Variants in RSRC1 observed in about 807,000 individuals in gnomAD.
RSRC1 encodes the protein arginine and serine rich coiled-coil 1.
RSRC1 carries 39 observed loss-of-function variants against 49.1 expected under a neutral mutation model. That is an observed-to-expected ratio of 0.79 (90% CI 0.61 to 1.04). The LOEUF is 1.04. RSRC1 is among the 50% of genes least tolerant of loss of function. The pLI is 0.00. For missense variants in RSRC1, 388 were observed against 402.4 expected (o/e 0.96, Z 0.31); for synonymous variants, 143 against 130.8 (o/e 1.09, Z -0.63).
At chr3:158,419,820 CA>C (rs10574446) in intron 6 of RSRC1, among the ~76,000 whole-genome samples, 9,258 of 134,296 alleles carry the variant, frequency 0.069, 295 homozygotes, top group East Asian at 0.1. Context: ...TTAAATCTAG[CA>C]AAAAAAAAAA....
chr3:158,246,737 T>C (rs1723923349), intron 4 of RSRC1, among the ~76,000 whole-genome samples: 3 of 152,224 alleles, frequency 2.0e-5, no homozygotes, highest in African/African-American at 7.2e-5. Context: ...GTAGGGTTTC[T>C]GCTGAGAGGT....
chr3:158,304,452 G>A (rs1374800098), intron 5 of RSRC1, among the ~76,000 whole-genome samples: 1 of 152,066 alleles, frequency 6.6e-6, no homozygotes, highest in Non-Finnish European at 1.5e-5. Context: ...GCTAGAAAAT[G>A]CAAAAATAGA....
chr3:158,462,753 A>G lies in RSRC1; in HGVS notation c.652+1750A>G, dbSNP rs555036126. ...CATTTGCTTAAGAATTTCTTAAGTA[A>G]CTATAGATACTTGAACATTATAATT... On this transcript the variant is annotated intron_variant, in intron 7 of 9. Transcript: ENST00000611884. Among the ~76,000 whole-genome samples the G allele has an allele frequency of 4.0e-3, 406 of 101,170 alleles. 4 individuals are homozygous for G. Among genetic ancestry groups the G allele is most frequent in the African/African-American group, 0.011 (388 of 34,588 alleles). 66.4% of individuals were successfully genotyped at this position (101,170 alleles called of 152,430 possible).
chr3:158,344,932 A>G (rs1482593583), intron 5 of RSRC1, among the ~76,000 whole-genome samples: 9 of 152,092 alleles, frequency 5.9e-5, no homozygotes, highest in Admixed American at 2.0e-4. Flanking sequence ...AAAATACCCA[A>G]TCTAGGCCAG....
intron 4 of RSRC1, among the ~76,000 whole-genome samples, chr3:158,295,472 T>C (rs1253290230): frequency 6.6e-6 from 1 of 152,098 alleles, no homozygotes; most frequent in Non-Finnish European, 1.5e-5. Flanking sequence ...GGAAAATGAA[T>C]TGACATGAGA....
chr3:158,355,091 T>C (rs1731088035), intron 6 of RSRC1, 183 bp downstream of exon 6: 1 of 431,948 alleles, frequency 2.3e-6, no homozygotes, highest in African/African-American at 2.1e-5. Context: ...AGTATAATGC[T>C]AAGTGTATTG....
intron 7 of RSRC1, among the ~76,000 whole-genome samples, chr3:158,481,153 A>C (rs1277385358): frequency 1.3e-5 from 2 of 152,062 alleles, no homozygotes. Context: ...CATGTGACTC[A>C]GCCCCAGAAA....
intron 6 of RSRC1, among the ~76,000 whole-genome samples, chr3:158,372,688 A>C (rs1732146393): frequency 6.6e-6 from 1 of 151,930 alleles, no homozygotes; most frequent in Non-Finnish European, 1.5e-5. Context: ...TTAAAAATCC[A>C]GCAAATTAAA....
At chr3:158,123,827 A>G in intron 2 of RSRC1, 39 bp from the exon 3 acceptor site, 1 of 1,564,266 alleles carries the variant, frequency 6.4e-7, no homozygotes, top group Non-Finnish European at 8.6e-7. Flanking sequence ...CATAATAAAA[A>G]TTTTTATAGC....
At chr3:158,343,883 G>T (rs1231409009) in intron 5 of RSRC1, among the ~76,000 whole-genome samples, 2 of 152,052 alleles carry the variant, frequency 1.3e-5, no homozygotes, top group Non-Finnish European at 2.9e-5. Flanking sequence ...GGAAGCAGCA[G>T]AAAAAGAGAA....
At chr3:158,218,023 C>G (rs567157346) in intron 4 of RSRC1, among the ~76,000 whole-genome samples, 1 of 151,360 alleles carries the variant, frequency 6.6e-6, no homozygotes, top group South Asian at 2.1e-4. Flanking sequence ...GACACTGATA[C>G]GAACAGGGAC....
At chr3:158,368,024 C>T (rs981012206) in intron 6 of RSRC1, among the ~76,000 whole-genome samples, 10 of 135,896 alleles carry the variant, frequency 7.4e-5, no homozygotes, top group African/African-American at 2.6e-4. Flanking sequence ...TATTATTTAC[C>T]CTAATGACGT....
Position 158,176,040 on chromosome 3 carries a change from G to A in RSRC1, c.321-27032G>A, listed in dbSNP as rs113908887. Among the ~76,000 whole-genome samples the A allele has an allele frequency of 8.9e-3, 1,359 of 152,036 alleles. 22 individuals carry two copies. The highest frequency in any genetic ancestry group is 0.032 in the African/African-American group (1,318 of 41,472). On this transcript the variant is annotated intron_variant, in intron 3 of 9. Coordinates refer to ENST00000611884, the MANE Select transcript of RSRC1 (RefSeq NM_001271838.2). The stretch of plus-strand genomic sequence containing the variant: ...ACAGAGAGCCAAATCATGAGTGAAC[G>A]TCCATTCACTATTGCTACAAAGAGA...
intron 6 of RSRC1, among the ~76,000 whole-genome samples, chr3:158,380,136 G>T (rs2108279493): frequency 6.6e-6 from 1 of 152,112 alleles, no homozygotes; most frequent in South Asian, 2.1e-4. Flanking sequence ...ACATATTACT[G>T]ATTCAGAACT....
chr3:158,319,932 A>G (rs1728669161), intron 5 of RSRC1, among the ~76,000 whole-genome samples: 1 of 152,186 alleles, frequency 6.6e-6, no homozygotes. Flanking sequence ...TGATCCTCAT[A>G]TGTTACAAGT....
At chr3:158,183,814 G>A (rs1404409899) in intron 3 of RSRC1, among the ~76,000 whole-genome samples, 1 of 152,004 alleles carries the variant, frequency 6.6e-6, no homozygotes, top group Non-Finnish European at 1.5e-5. Context: ...TACTCGGGGG[G>A]CTGATGGGGG....
intron 6 of RSRC1, among the ~76,000 whole-genome samples, chr3:158,411,850 C>G (rs6781103): frequency 2.0e-5 from 3 of 151,984 alleles, no homozygotes; most frequent in African/African-American, 7.2e-5. Context: ...TTGGTATATC[C>G]TGGATATGAG....
intron 7 of RSRC1, among the ~76,000 whole-genome samples, chr3:158,506,748 A>G (rs751033206): frequency 6.6e-6 from 1 of 151,638 alleles, no homozygotes; most frequent in Admixed American, 6.6e-5. Flanking sequence ...TATAGCCACT[A>G]TGGAAACCAG....
intron 7 of RSRC1, among the ~76,000 whole-genome samples, chr3:158,482,784 A>C (rs2108437946): frequency 6.6e-6 from 1 of 152,170 alleles, no homozygotes; most frequent in African/African-American, 2.4e-5. Context: ...CCCATGAAAA[A>C]ATGTTTTTAT....
Sources: gnomAD v4.1 joint callset for allele counts (sites outside exome capture counted in the v4.1 genomes callset) on GRCh38, gnomAD v4.1.1 for gene constraint, MANE v1.5 for transcripts, NCBI Gene and HGNC (gene_info 2026-07-23, HGNC 2026-07-21) for gene names.